SUN1: variants seen among roughly 807,000 people sequenced by gnomAD.
SUN1 encodes the protein SUN domain-containing protein 1.
In SUN1, 61 loss-of-function variants were observed where a neutral mutation model predicts 103.2. The ratio of observed to expected loss-of-function variants is 0.59; its 90% CI spans 0.48 to 0.73. The LOEUF (loss-of-function observed/expected upper bound fraction) is 0.73, where lower values mean the gene tolerates loss of function less well. Among genes scored for constraint, SUN1 ranks in the 30% least tolerant of loss-of-function variants. The probability of loss-of-function intolerance (pLI) is 0.00; values close to 1 mark genes in which losing one functional copy is unlikely to be tolerated. For missense variants in SUN1, 1,052 were observed against 1,034.6 expected (o/e 1.02, Z -0.23); for synonymous variants, 490 against 425.7 (o/e 1.15, Z -1.86).
At chr7:838,275 T>A (rs1463411842) in intron 1 of SUN1, among the ~76,000 whole-genome samples, 2 of 152,220 alleles carry the variant, frequency 1.3e-5, no homozygotes, top group Non-Finnish European at 2.9e-5. Flanking sequence ...TGGAAGTGAC[T>A]GTCTTTTGGT....
At chr7:860,595 C>A (rs1831413416) in intron 14 of SUN1, among the ~76,000 whole-genome samples, 1 of 152,180 alleles carries the variant, frequency 6.6e-6, no homozygotes. Flanking sequence ...CTGTCAGTGT[C>A]ATTACTGAGC....
rs538056110 is a variant in SUN1, at chr7:837,437, TCAATTTTTTTCAATCTTTTGATA to T, written c.78-1357_78-1335del. Among the ~76,000 whole-genome samples the T allele has an allele frequency of 2.7e-3, 416 of 152,172 alleles. 3 individuals carry two copies. The highest frequency in any genetic ancestry group is 9.6e-3 in the African/African-American group (398 of 41,492). On this transcript the variant is annotated intron_variant, in intron 1 of 18. Transcript: ENST00000401592. ...ATCTGTCTCTGGTTTTCAATTGGAGTCAATTTTTTTCAATCTTTTGATACAAAGTACATCTAAATAACACATTT... is the reference window on the plus strand; with the variant it reads ...ATCTGTCTCTGGTTTTCAATTGGAGTCAAAGTACATCTAAATAACACATTT...
intron 13 of SUN1, among the ~76,000 whole-genome samples, chr7:859,774 G>A (rs1830744665): frequency 6.6e-6 from 1 of 152,234 alleles, no homozygotes; most frequent in South Asian, 2.1e-4. Context: ...GACCAAGTTT[G>A]TTGATGGCAG....
At chr7:851,696 A>C (rs1472324892) in intron 6 of SUN1, 2 of 636,044 alleles carry the variant, frequency 3.1e-6, no homozygotes, top group Non-Finnish European at 5.4e-6. Context: ...GTCTGGGGGA[A>C]GTCCGGCTGC....
At chr7:871,686 C>G (rs1487047710) in intron 17 of SUN1, among the ~76,000 whole-genome samples, 1 of 152,234 alleles carries the variant, frequency 6.6e-6, no homozygotes, top group Non-Finnish European at 1.5e-5. Flanking sequence ...CTGTGCCCCA[C>G]CCCGTATTTT....
In SUN1 at chr7:853,467, C is replaced by G. The variant is rs779987779; in HGVS notation, c.1112C>G (p.Ser371Cys). The change falls in exon 10 of 19, where the codon TCT becomes TGT. Residue 371 changes from serine (S) to cysteine (C), a missense_variant. Physicochemically the swap from Ser to Cys is moderately radical, Grantham distance 112 (BLOSUM62 -1). Coordinates refer to ENST00000401592, the MANE Select transcript of SUN1 (RefSeq NM_001130965.3). ...AGTGGCGTGGAGCAGCAGGTGGCCT[C>G]TCTGTCTGGACAGTGCCACCACCAT... ...WMSGVEQQVA[S>C]LSGQCHHHGE... The G allele has an allele frequency of 1.9e-6, 3 of 1,614,086 alleles. No homozygotes were observed. The highest frequency in any genetic ancestry group is 2.2e-5 in the East Asian group (1 of 44,882).
intron 16 of SUN1, among the ~76,000 whole-genome samples, chr7:867,390 T>C (rs544061566): frequency 6.6e-5 from 10 of 152,326 alleles, no homozygotes; most frequent in African/African-American, 2.4e-4. Context: ...CTGCACAGGG[T>C]TGCCACAGTG....
chr7:833,007 GT>G (rs1235030409), intron 1 of SUN1: 1 of 160,810 alleles, frequency 6.2e-6, no homozygotes, highest in African/African-American at 2.4e-5. Context: ...GAAGCTCAGG[GT>G]TTTGAGAACA....
At chr7:841,534 G>T (rs188804996) in intron 2 of SUN1, among the ~76,000 whole-genome samples, 1 of 152,118 alleles carries the variant, frequency 6.6e-6, no homozygotes, top group African/African-American at 2.4e-5. Flanking sequence ...GAGCCACCGC[G>T]CCTGGCCATG....
At chr7:836,471 C>T (rs978132918) in intron 1 of SUN1, among the ~76,000 whole-genome samples, 7 of 152,172 alleles carry the variant, frequency 4.6e-5, no homozygotes, top group Admixed American at 1.3e-4. Flanking sequence ...GTGTAAGTTC[C>T]AGGCCAAGTC....
rs1188089490 is a variant in SUN1, at chr7:817,457, A to C, written c.-74+784A>C. On this transcript the variant is annotated intron_variant, in intron 1 of 17. Transcript: ENST00000389574. ...GGAACACCTTGCCACTGTCACCGTC[A>C]TGGGGAGGATTTCTCCCGGCTCCCC... 4 of 1,535,996 alleles carry C rather than the reference A, an allele frequency of 2.6e-6. No individual in the cohort carries two copies. In the Admixed American group the frequency reaches 7.8e-5, roughly 30 times the overall value.
chr7:819,795 G>C (rs574349797), intron 1 of SUN1, among the ~76,000 whole-genome samples: 32 of 143,044 alleles, frequency 2.2e-4, no homozygotes, highest in Non-Finnish European at 4.6e-4. Flanking sequence ...TGCAACCTCC[G>C]CCTCCCAGGT....
intron 5 of SUN1, among the ~76,000 whole-genome samples, chr7:844,538 TG>T (rs1465607942): frequency 1.3e-5 from 2 of 152,254 alleles, no homozygotes; most frequent in Non-Finnish European, 2.9e-5. Flanking sequence ...CTTGTCTTCG[TG>T]GCCCTCACTT....
rs182461623 is a variant in SUN1 at position 873,136 on chromosome 7, C to T, written c.2242-79C>T. On this transcript the variant is annotated intron_variant, in intron 18 of 18. Coordinates refer to ENST00000401592, the MANE Select transcript of SUN1 (RefSeq NM_001130965.3). Reference sequence around the variant, plus strand: ...TCCAACTCAGCTGCTTCCTGTCAGACGTCATATTTGGGGAAGTGATTGGAC... The same window carrying T: ...TCCAACTCAGCTGCTTCCTGTCAGATGTCATATTTGGGGAAGTGATTGGAC... 1.6e-4 allele frequency: 210 copies of T among 1,274,726 alleles called. 2 individuals are homozygous for T. The East Asian group carries it at 3.9e-3, about 24-fold the overall frequency. The allele number at this position is 1,274,726 out of a possible 1,614,324, so 79.0% of individuals were successfully genotyped here. A position where few individuals can be genotyped will look rare whatever the true frequency, so the allele number is the denominator to read the frequency against.
At chr7:841,411 T>G (rs1469110127) in intron 2 of SUN1, among the ~76,000 whole-genome samples, 1 of 151,516 alleles carries the variant, frequency 6.6e-6, no homozygotes, top group East Asian at 1.9e-4. Context: ...GCCCGGCTAA[T>G]TTTTTGTATT....
At chr7:851,273 C>T (rs1218389682) in intron 5 of SUN1, 111 bp from the exon 6 acceptor site, 2 of 867,120 alleles carry the variant, frequency 2.3e-6, no homozygotes, top group African/African-American at 1.7e-5. Context: ...ACTCTTGACC[C>T]ACCGATGCAG....
chr7:848,899 AC>A (rs1819135980), intron 5 of SUN1, among the ~76,000 whole-genome samples: 1 of 152,152 alleles, frequency 6.6e-6, no homozygotes, highest in South Asian at 2.1e-4. Context: ...GATTTTTATT[AC>A]CTTTTTAAAG....
rs200870545 is a variant in SUN1, at chr7:843,192, G to T, written c.452-14G>T. 7.5e-5 allele frequency: 105 copies of T among 1,407,424 alleles called. No individual in the cohort carries two copies. In the East Asian group the frequency reaches 9.5e-4, roughly 13 times the overall value. 87.2% of individuals were successfully genotyped at this position (1,407,424 alleles called of 1,614,324 possible). A position where few individuals can be genotyped will look rare whatever the true frequency, so the allele number is the denominator to read the frequency against. On this transcript the variant is annotated splice_polypyrimidine_tract_variant and intron_variant, in intron 3 of 18. Coordinates refer to ENST00000401592, the MANE Select transcript of SUN1 (RefSeq NM_001130965.3). ...ACAGCAAAAATGTGTGTGTGTGTGTGTTTTTTTTTTTAGGTCTTGATGATG... is the reference window on the plus strand; with the variant it reads ...ACAGCAAAAATGTGTGTGTGTGTGTTTTTTTTTTTTTAGGTCTTGATGATG...
intron 1 of SUN1, among the ~76,000 whole-genome samples, chr7:821,886 C>T (rs184969982): frequency 1.3e-5 from 2 of 152,316 alleles, no homozygotes; most frequent in Admixed American, 6.5e-5. Context: ...GGCCCAGTGT[C>T]GTCGGCCTCA....
Sources: gnomAD v4.1 joint callset for allele counts (sites outside exome capture counted in the v4.1 genomes callset) on GRCh38, gnomAD v4.1.1 for gene constraint, MANE v1.5 for transcripts, NCBI Gene and HGNC (gene_info 2026-07-23, HGNC 2026-07-21) for gene names.